Variants in PTGDR2 observed in about 807,000 individuals in gnomAD.
The protein encoded by PTGDR2 is prostaglandin D2 receptor 2.
For synonymous variants in PTGDR2, 276 were observed against 278.4 expected (o/e 0.99, Z 0.09); for missense variants, 544 against 576.6 (o/e 0.94, Z 0.58).
In PTGDR2 at chr11:60,851,722, T is replaced by A. The variant is rs1855269612; in HGVS notation, c.*813A>T. 1 of 152,220 alleles carries A rather than the reference T, an allele frequency of 6.6e-6. No individual in the cohort carries two copies. The highest frequency in any genetic ancestry group is 2.4e-5 in the African/African-American group (1 of 41,434). 9.4% of individuals were successfully genotyped at this position (152,220 alleles called of 1,614,324 possible). A position where few individuals can be genotyped will look rare whatever the true frequency, so the allele number is the denominator to read the frequency against. ...GTTTCCCGAGTGCTTGACCACGCCA[T>A]CCCCTGCTGCTTCTGCCTTGGAAGC... On this transcript the variant is annotated 3_prime_UTR_variant, in exon 2 of 2. Coordinates refer to ENST00000332539, the MANE Select transcript of PTGDR2 (RefSeq NM_004778.3).
chr11:60,853,842 A>C, intron 1 of PTGDR2, 111 bp from the exon 2 acceptor site: 1 of 754,768 alleles, frequency 1.3e-6, no homozygotes, highest in Non-Finnish European at 2.1e-6. Flanking sequence ...TGACCCACGA[A>C]TATATTGGGC....
chr11:60,852,427 C>G lies in PTGDR2; in HGVS notation c.*108G>C, dbSNP rs1195701990. The stretch of plus-strand genomic sequence containing the variant: ...CGCTTTAAAATGCAGGTGCCTGGGT[C>G]CCGCCCCTCGGACTTTGATCACTGC... On this transcript the variant is annotated 3_prime_UTR_variant, in exon 2 of 2. Coordinates refer to ENST00000332539, the MANE Select transcript of PTGDR2 (RefSeq NM_004778.3). 7 of 1,001,890 alleles carry G rather than the reference C, an allele frequency of 7.0e-6. No homozygotes were observed. In the Admixed American group the frequency reaches 1.7e-4, roughly 25 times the overall value. The allele number at this position is 1,001,890 out of a possible 1,614,324, so 62.1% of individuals were successfully genotyped here.
At chr11:60,855,133 G>A (rs375481024) in intron 1 of PTGDR2, among the ~76,000 whole-genome samples, 1 of 152,212 alleles carries the variant, frequency 6.6e-6, no homozygotes, top group Non-Finnish European at 1.5e-5. Flanking sequence ...TGTGCTTCCT[G>A]AGAATGGTCA....
Position 60,852,258 on chromosome 11 carries a change from A to T in PTGDR2, c.*277T>A, listed in dbSNP as rs956716733. On this transcript the variant is annotated 3_prime_UTR_variant, in exon 2 of 2. Transcript: ENST00000332539. ...TGGCTTCTCGGCCTGGGAGCTTGTT[A>T]AGTGCAGACTCTCAGTACCCGGCCC... The T allele has an allele frequency of 2.7e-6, 1 of 367,236 alleles. No individual in the cohort carries two copies. The highest frequency in any genetic ancestry group is 4.8e-6 in the Non-Finnish European group (1 of 206,698). 22.7% of individuals were successfully genotyped at this position (367,236 alleles called of 1,614,324 possible). A position where few individuals can be genotyped will look rare whatever the true frequency, so the allele number is the denominator to read the frequency against.
At position 60,852,634 on chromosome 11, in the gene PTGDR2, C is replaced by T. The variant is rs893607571; in HGVS notation, c.1089G>A (p.Pro363=). ...PLALCSRPEE[P]RGPARLLGWL... ...AGCCGAGGAGACGCGCGGGGCCCCG[C>T]GGTTCCTCCGGGCGGCTGCAGAGAG... is the stretch of plus-strand genomic sequence containing the variant. The change falls in exon 2 of 2, where the codon CCG becomes CCA. Residue 363 remains proline, a synonymous_variant. Coordinates refer to ENST00000332539, the MANE Select transcript of PTGDR2 (RefSeq NM_004778.3). 6.7e-5 allele frequency: 89 copies of T among 1,331,398 alleles called. No homozygotes were observed. Among genetic ancestry groups the T allele is most frequent in the Non-Finnish European group, 8.5e-5 (88 of 1,038,402 alleles). The allele number at this position is 1,331,398 out of a possible 1,614,324, so 82.5% of individuals were successfully genotyped here. A position where few individuals can be genotyped will look rare whatever the true frequency, so the allele number is the denominator to read the frequency against.
chr11:60,851,107 A>G lies in PTGDR2; in HGVS notation c.*1428T>C, dbSNP rs1855259850. 1 of 152,366 alleles carries G rather than the reference A, an allele frequency of 6.6e-6. No homozygotes were observed. Among genetic ancestry groups the G allele is most frequent in the Non-Finnish European group, 1.5e-5 (1 of 68,092 alleles). The allele number at this position is 152,366 out of a possible 1,614,324, so 9.4% of individuals were successfully genotyped here. On this transcript the variant is annotated 3_prime_UTR_variant, in exon 2 of 2. Transcript: ENST00000332539. ...CCACGTGTCCAATGGGGGAAGTGCT[A>G]TGAGTAAAGGGGGAAGGGATGGGAG...
Position 60,852,980 on chromosome 11 carries a change from AC to A in PTGDR2, c.742del (p.Val248TrpfsTer107), listed in dbSNP as rs1855298991. On this transcript the variant is annotated frameshift_variant, in exon 2 of 2. Coordinates refer to ENST00000332539, the MANE Select transcript of PTGDR2 (RefSeq NM_004778.3). LOFTEE classifies it low-confidence loss of function (END_TRUNC). ...CGCGAAGGCGGCCACGACGGCCGCC[AC>A]CAGGCGCACGAAGCGGCCTGGCCGC... ...RRRPGRFVRL[V>X]AAVVAAFALC... 1.4e-6 allele frequency: 2 copies of A among 1,400,860 alleles called. No individual in the cohort carries two copies. Among genetic ancestry groups the A allele is most frequent in the South Asian group, 3.2e-5 (2 of 62,446 alleles). The allele number at this position is 1,400,860 out of a possible 1,614,324, so 86.8% of individuals were successfully genotyped here.
chr11:60,852,364 A>G lies in PTGDR2; in HGVS notation c.*171T>C. On this transcript the variant is annotated 3_prime_UTR_variant, in exon 2 of 2. Transcript: ENST00000332539. ...TCAAGGTTTGAGAAGCACTGCTTTA[A>G]CTCACTGTTTCTGAAAAAGATTCAG... The G allele has an allele frequency of 2.1e-6, 1 of 487,492 alleles. No homozygotes were observed. Among genetic ancestry groups the G allele is most frequent in the Non-Finnish European group, 3.2e-6 (1 of 308,836 alleles). The allele number at this position is 487,492 out of a possible 1,614,324, so 30.2% of individuals were successfully genotyped here. A position where few individuals can be genotyped will look rare whatever the true frequency, so the allele number is the denominator to read the frequency against.
At position 60,852,575 on chromosome 11, in the gene PTGDR2, G is replaced by C. The variant is rs1855286669; in HGVS notation, c.1148C>G (p.Thr383Arg). 7.8e-7 allele frequency: 1 copy of C among 1,289,308 alleles called. No individual in the cohort carries two copies. The highest frequency in any genetic ancestry group is 9.8e-7 in the Non-Finnish European group (1 of 1,019,102). 79.9% of individuals were successfully genotyped at this position (1,289,308 alleles called of 1,614,324 possible). The change falls in exon 2 of 2, where the codon ACG becomes AGG. Residue 383 changes from threonine to arginine, a missense_variant. Physicochemically the swap from Thr to Arg is moderately conservative, Grantham distance 71. Coordinates refer to ENST00000332539, the MANE Select transcript of PTGDR2 (RefSeq NM_004778.3). ...GCTCAGCGCCCGGTTCAGGGGGCCC[G>C]TCTGCGGGGACGCTGCGCAGCTGCC... ...LLGSCAASPQTGPLNRALSST... is the reference protein window; with the variant it reads ...LLGSCAASPQRGPLNRALSST...
chr11:60,853,208 G>A lies in PTGDR2; in HGVS notation c.515C>T (p.Thr172Ile), dbSNP rs1327769075. Residue 172 changes from threonine to isoleucine, a missense_variant, in exon 2 of 2, where the codon ACC becomes ATC. Physicochemically the swap from Thr to Ile is moderately conservative, Grantham distance 89. Transcript: ENST00000332539. Reference protein sequence around the residue: ...NTVPYFVFRDTISRLDGRIMC... With the variant: ...NTVPYFVFRDIISRLDGRIMC... ...AATGCGCCCGTCCAGCCGCGAGATG[G>A]TGTCCCGGAACACGAAATAGGGCAC... The A allele has an allele frequency of 6.2e-7, 1 of 1,612,586 alleles. No individual in the cohort carries two copies. The highest frequency in any genetic ancestry group is 8.5e-7 in the Non-Finnish European group (1 of 1,179,904).
rs144164916 is a variant in PTGDR2, at chr11:60,853,291, G to T, written c.432C>A (p.Thr144=). 1.1e-5 allele frequency: 17 copies of T among 1,611,660 alleles called. No homozygotes were observed. The highest frequency in any genetic ancestry group is 2.2e-5 in the East Asian group (1 of 44,790). ...GGCAGACTTTGTGCGCCGCGGCCAC[G>T]GTGCGGTGGTTCTGCGCCCACACCG... ...VRPVWAQNHR[T]VAAAHKVCLV... is the part of the protein sequence containing the mutation. Residue 144 remains threonine, a synonymous_variant, in exon 2 of 2, where the codon ACC becomes ACA. Transcript: ENST00000332539.
rs1039939932 is a variant in PTGDR2 at position 60,853,594 on chromosome 11, C to T, written c.129G>A (p.Ser43=). The T allele has an allele frequency of 1.3e-6, 2 of 1,555,900 alleles. No individual in the cohort carries two copies. Among genetic ancestry groups the T allele is most frequent in the South Asian group, 1.2e-5 (1 of 84,380 alleles). The part of the protein sequence containing the change: ...HAAVLLHGLA[S]LLGLVENGVI... Reference sequence around the variant, plus strand: ...CTCCATTCTCCACCAGGCCCAGCAGCGAGGCCAGCCCGTGCAGCAGCACGG... The same window carrying T: ...CTCCATTCTCCACCAGGCCCAGCAGTGAGGCCAGCCCGTGCAGCAGCACGG... The change falls in exon 2 of 2, where the codon TCG becomes TCA. Residue 43 remains serine (S), a synonymous_variant. Transcript: ENST00000332539.
Position 60,852,291 on chromosome 11 carries a change from C to G in PTGDR2, c.*244G>C, listed in dbSNP as rs11571288. On this transcript the variant is annotated 3_prime_UTR_variant, in exon 2 of 2. Transcript: ENST00000332539. ...ACTCTCAGTACCCGGCCCCGGCCTCCTGGATCAGACTGCACTTAACAAGAC... is the reference window on the plus strand; with the variant it reads ...ACTCTCAGTACCCGGCCCCGGCCTCGTGGATCAGACTGCACTTAACAAGAC... 118,786 of 393,464 alleles carry G rather than the reference C, an allele frequency of 0.3. 18,314 individuals are homozygous for G. Among genetic ancestry groups the G allele is most frequent in the Admixed American group, 0.34 (7,503 of 22,282 alleles). The allele number at this position is 393,464 out of a possible 1,614,324, so 24.4% of individuals were successfully genotyped here. A position where few individuals can be genotyped will look rare whatever the true frequency, so the allele number is the denominator to read the frequency against.
rs1480802580 is a variant in PTGDR2, at chr11:60,852,894, C to T, written c.829G>A (p.Gly277Arg). ...CCGCGCCACACGAGCGGCCGCAGCC[C>T]CGGGTTTGCGTGCGCCCGCGCCTCC... ...LLEARAHANPGLRPLVWRGLP... is the reference protein window; with the variant it reads ...LLEARAHANPRLRPLVWRGLP... The change falls in exon 2 of 2, where the codon GGG becomes AGG. Residue 277 changes from glycine (G) to arginine (R), a missense_variant. By Grantham distance (125) the Gly-to-Arg change is moderately radical (BLOSUM62 -2). Transcript: ENST00000332539. 42 of 1,530,676 alleles carry T rather than the reference C, an allele frequency of 2.7e-5. No individual in the cohort carries two copies. Among genetic ancestry groups the T allele is most frequent in the Non-Finnish European group, 3.4e-5 (39 of 1,137,648 alleles). The allele number at this position is 1,530,676 out of a possible 1,614,324, so 94.8% of individuals were successfully genotyped here. A position where few individuals can be genotyped will look rare whatever the true frequency, so the allele number is the denominator to read the frequency against.
chr11:60,855,299 G>C (rs530539), intron 1 of PTGDR2, among the ~76,000 whole-genome samples: 118,988 of 152,008 alleles, frequency 0.78, 47,107 homozygotes, highest in East Asian at 0.95. Context: ...AGTACCACCC[G>C]CTGTCTGCCC....
chr11:60,852,631 C>T lies in PTGDR2; in HGVS notation c.1092G>A (p.Arg364=), dbSNP rs41438944. ...GCCAGCCGAGGAGACGCGCGGGGCC[C>T]CGCGGTTCCTCCGGGCGGCTGCAGA... is the stretch of plus-strand genomic sequence containing the variant. ...LALCSRPEEP[R]GPARLLGWLL... The change falls in exon 2 of 2, where the codon CGG becomes CGA. Residue 364 remains arginine, a synonymous_variant. Transcript: ENST00000332539. 9.2e-4 allele frequency: 1,222 copies of T among 1,331,288 alleles called. 30 individuals are homozygous for T. The South Asian group carries it at 0.024, about 26-fold the overall frequency. The allele number at this position is 1,331,288 out of a possible 1,614,324, so 82.5% of individuals were successfully genotyped here.
chr11:60,851,345 G>A lies in PTGDR2; in HGVS notation c.*1190C>T, dbSNP rs912782923. Reference sequence around the variant, plus strand: ...CAAAATTCATTGACACCAACTTTTCGGTCCCTGGGCTGCAGAGCTCAAACA... The same window carrying A: ...CAAAATTCATTGACACCAACTTTTCAGTCCCTGGGCTGCAGAGCTCAAACA... On this transcript the variant is annotated 3_prime_UTR_variant, in exon 2 of 2. Transcript: ENST00000332539. The A allele has an allele frequency of 7.9e-5, 12 of 152,172 alleles. No individual in the cohort carries two copies. The highest frequency in any genetic ancestry group is 2.4e-4 in the African/African-American group (10 of 41,424). 9.4% of individuals were successfully genotyped at this position (152,172 alleles called of 1,614,324 possible). A position where few individuals can be genotyped will look rare whatever the true frequency, so the allele number is the denominator to read the frequency against.
In PTGDR2 at chr11:60,852,176, GTC is replaced by G; in HGVS notation, c.*357_*358del. ...CGACTCCACTGCCCTAGAGTGGGAA[GTC>G]TATTATGAGTTTCACTTTGTGTTAC... On this transcript the variant is annotated 3_prime_UTR_variant, in exon 2 of 2. Coordinates refer to ENST00000332539, the MANE Select transcript of PTGDR2 (RefSeq NM_004778.3). 4.0e-6 allele frequency: 1 copy of G among 248,620 alleles called. No homozygotes were observed. The highest frequency in any genetic ancestry group is 7.6e-6 in the Non-Finnish European group (1 of 130,872). 15.4% of individuals were successfully genotyped at this position (248,620 alleles called of 1,614,324 possible). A position where few individuals can be genotyped will look rare whatever the true frequency, so the allele number is the denominator to read the frequency against.
Position 60,853,456 on chromosome 11 carries a change from G to C in PTGDR2, c.267C>G (p.Tyr89Ter). 6.4e-7 allele frequency: 1 copy of C among 1,569,066 alleles called. No individual in the cohort carries two copies. The highest frequency in any genetic ancestry group is 8.6e-7 in the Non-Finnish European group (1 of 1,156,678). ...LASASLPFFT[Y>*]FLAVGHSWEL... Reference sequence around the variant, plus strand: ...CCCACGAGTGGCCCACGGCCAAGAAGTAGGTGAAGAAGGGCAGGGAAGCAG... The same window carrying C: ...CCCACGAGTGGCCCACGGCCAAGAACTAGGTGAAGAAGGGCAGGGAAGCAG... Residue 89 changes from tyrosine to a stop codon, truncating the protein, a stop_gained, in exon 2 of 2, where the codon TAC becomes TAG. Coordinates refer to ENST00000332539, the MANE Select transcript of PTGDR2 (RefSeq NM_004778.3). LOFTEE classifies it low-confidence loss of function (END_TRUNC).
Sources: gnomAD v4.1 joint callset for allele counts (sites outside exome capture counted in the v4.1 genomes callset) on GRCh38, gnomAD v4.1.1 for gene constraint, MANE v1.5 for transcripts, NCBI Gene and HGNC (gene_info 2026-07-23, HGNC 2026-07-21) for gene names.